PTPN11: variants seen among roughly 807,000 people sequenced by gnomAD.
The protein encoded by PTPN11 is protein tyrosine phosphatase non-receptor type 11.
Under a neutral mutation model 78.8 loss-of-function variants are expected in PTPN11, and 6 were observed. The ratio of observed to expected loss-of-function variants is 0.08; its 90% confidence interval spans 0.04 to 0.15. PTPN11 has a LOEUF of 0.15. PTPN11 is among the 10% of genes least tolerant of loss of function. The probability of loss-of-function intolerance (pLI) is 1.00; values close to 1 mark genes in which losing one functional copy is unlikely to be tolerated. For synonymous variants in PTPN11, 221 were observed against 263.5 expected, an observed-to-expected ratio of 0.84 and a Z score of 1.56; for missense variants, 386 against 744.8, an observed-to-expected ratio of 0.52 and a Z score of 5.61.
intron 2 of PTPN11, among the ~76,000 whole-genome samples, 167 bp from the exon 3 acceptor site, chr12:112,450,151 G>A (rs1161300555): frequency 2.0e-5 from 3 of 151,580 alleles, no homozygotes; most frequent in African/African-American, 7.3e-5. Flanking sequence ...TGAGTTGGTT[G>A]ACATGTGGTT....
chr12:112,467,205 A>G (rs1232863893), intron 6 of PTPN11, among the ~76,000 whole-genome samples: 1 of 152,166 alleles, frequency 6.6e-6, no homozygotes, highest in Non-Finnish European at 1.5e-5. Context: ...TTGGGTACTC[A>G]CATGTACAAC....
intron 9 of PTPN11, among the ~76,000 whole-genome samples, chr12:112,479,371 C>T (rs1205736869): frequency 6.6e-6 from 1 of 152,016 alleles, no homozygotes; most frequent in Non-Finnish European, 1.5e-5. Context: ...AGCAGTCATA[C>T]CTATAAATTA....
At chr12:112,452,518 G>A (rs1275542646) in intron 3 of PTPN11, among the ~76,000 whole-genome samples, 2 of 151,848 alleles carry the variant, frequency 1.3e-5, no homozygotes, top group East Asian at 3.9e-4. Context: ...GAGCCACCAC[G>A]TCCGGCCGAC....
Position 112,446,257 on chromosome 12 carries a change from C to T in PTPN11, c.15-19C>T, listed in dbSNP as rs779587904. ...CAGTGTCTTGTTTTTTTATTACTTA[C>T]TTTGTCTTTCTTTTTAAGATGGTTT... On this transcript the variant is annotated intron_variant, in intron 1 of 15. Coordinates refer to ENST00000351677, the MANE Select transcript of PTPN11 (RefSeq NM_002834.5). 1 of 1,613,640 alleles carries T rather than the reference C, an allele frequency of 6.2e-7. No homozygotes were observed.
chr12:112,459,456 A>AGTTTT (rs1176606365), intron 6 of PTPN11, among the ~76,000 whole-genome samples: 8 of 143,156 alleles, frequency 5.6e-5, no homozygotes, highest in African/African-American at 2.1e-4. Context: ...TTTGAGATAG[A>AGTTTT]GTTTTGTTTT....
chr12:112,492,724 A>G lies in PTPN11; in HGVS notation c.1599+3549A>G, dbSNP rs180776625. On this transcript the variant is annotated intron_variant, in intron 13 of 15. Transcript: ENST00000351677. ...AGTAGAGACGGGGTCTCACCGTGTT[A>G]GCCAGGATGGTCTTGATCTCCTGAC... Among the ~76,000 whole-genome samples the G allele has an allele frequency of 2.8e-3, 427 of 152,052 alleles. 5 individuals are homozygous for G. Among genetic ancestry groups the G allele is most frequent in the African/African-American group, 9.0e-3 (374 of 41,484 alleles).
chr12:112,466,010 C>G (rs576438132), intron 6 of PTPN11, among the ~76,000 whole-genome samples: 1 of 152,266 alleles, frequency 6.6e-6, no homozygotes, highest in East Asian at 1.9e-4. Flanking sequence ...GACTGTATGT[C>G]TGGATCTATT....
At chr12:112,494,129 C>T (rs1462349924) in intron 13 of PTPN11, among the ~76,000 whole-genome samples, 2 of 152,180 alleles carry the variant, frequency 1.3e-5, no homozygotes, top group African/African-American at 4.8e-5. Context: ...TGGCGCACAC[C>T]TGTGATCCCA....
chr12:112,453,655 T>G (rs1162087440), intron 4 of PTPN11, among the ~76,000 whole-genome samples: 1 of 151,694 alleles, frequency 6.6e-6, no homozygotes, highest in African/African-American at 2.4e-5. Flanking sequence ...TGTTTTTTTT[T>G]TTTTTTTGTT....
In PTPN11 at chr12:112,419,065, C is replaced by T. The variant is rs919508084; in HGVS notation, c.-47C>T. On this transcript the variant is annotated 5_prime_UTR_variant, in exon 1 of 16. Coordinates refer to ENST00000351677, the MANE Select transcript of PTPN11 (RefSeq NM_002834.5). ...CCCGATGTGACCGAGCCCAGCGGAG[C>T]CTGAGCAAGGAGCGGGTCCGTCGCG... The T allele has an allele frequency of 6.5e-7, 1 of 1,534,726 alleles. No homozygotes were observed. Among genetic ancestry groups the T allele is most frequent in the Non-Finnish European group, 8.7e-7 (1 of 1,143,158 alleles).
At chr12:112,499,087 A>G (rs2038843988) in intron 13 of PTPN11, among the ~76,000 whole-genome samples, 2 of 152,020 alleles carry the variant, frequency 1.3e-5, no homozygotes, top group African/African-American at 4.8e-5. Flanking sequence ...ATAGAGTTTC[A>G]GTAATACAAG....
At chr12:112,423,825 C>T (rs2037562348) in intron 1 of PTPN11, among the ~76,000 whole-genome samples, 1 of 148,564 alleles carries the variant, frequency 6.7e-6, no homozygotes, top group Non-Finnish European at 1.5e-5. Flanking sequence ...TGGCTCACTG[C>T]AGCCTCGACC....
At chr12:112,478,385 C>T (rs1366636856) in intron 9 of PTPN11, among the ~76,000 whole-genome samples, 1 of 151,208 alleles carries the variant, frequency 6.6e-6, no homozygotes, top group East Asian at 1.9e-4. Context: ...CCAGCCTGGG[C>T]AATGTAGTAA....
chr12:112,485,157 G>A (rs2038654596), intron 10 of PTPN11, among the ~76,000 whole-genome samples: 1 of 152,052 alleles, frequency 6.6e-6, no homozygotes, highest in South Asian at 2.1e-4. Context: ...TCGAGTCTGA[G>A]GCCCAAGAAT....
At chr12:112,439,118 A>G (rs140000879) in intron 1 of PTPN11, among the ~76,000 whole-genome samples, 6 of 152,232 alleles carry the variant, frequency 3.9e-5, no homozygotes, top group Non-Finnish European at 8.8e-5. Flanking sequence ...AGGACTTAAC[A>G]GAGAGGTTAA....
chr12:112,498,463 C>T (rs550203434), intron 13 of PTPN11, among the ~76,000 whole-genome samples: 21 of 152,214 alleles, frequency 1.4e-4, no homozygotes, highest in African/African-American at 5.1e-4. Context: ...TTCATTTTAC[C>T]CTCTCTTCCT....
chr12:112,467,684 A>G (rs575785657), intron 6 of PTPN11, among the ~76,000 whole-genome samples: 1 of 152,076 alleles, frequency 6.6e-6, no homozygotes, highest in Non-Finnish European at 1.5e-5. Flanking sequence ...TAGCAGAGAC[A>G]GGGTTTCACC....
intron 1 of PTPN11, among the ~76,000 whole-genome samples, chr12:112,439,784 TA>T (rs557906559): frequency 1.7e-4 from 23 of 131,584 alleles, no homozygotes; most frequent in African/African-American, 4.7e-4. Context: ...TGTCCTTTTT[TA>T]AAAAAAAAAA....
rs2038957822 is a variant in PTPN11 at position 112,508,101 on chromosome 12, A to C, written c.*2309A>C. The C allele has an allele frequency of 6.5e-6, 1 of 152,688 alleles. No individual in the cohort carries two copies. Among genetic ancestry groups the C allele is most frequent in the Non-Finnish European group, 1.5e-5 (1 of 68,048 alleles). The allele number at this position is 152,688 out of a possible 1,614,324, so 9.5% of individuals were successfully genotyped here. On this transcript the variant is annotated 3_prime_UTR_variant, in exon 16 of 16. Coordinates refer to ENST00000351677, the MANE Select transcript of PTPN11 (RefSeq NM_002834.5). ...CACACAAGAGTTTGATTGTACAAAT[A>C]TATCTTCTGCATTAACATCTCTGCC...
Sources: gnomAD v4.1 joint callset for allele counts (sites outside exome capture counted in the v4.1 genomes callset) on GRCh38, gnomAD v4.1.1 for gene constraint, MANE v1.5 for transcripts, NCBI Gene and HGNC (gene_info 2026-07-23, HGNC 2026-07-21) for gene names.